Variants in DCHS2 observed in about 807,000 individuals in gnomAD.
The protein encoded by DCHS2 is protocadherin-23.
In DCHS2, 142 loss-of-function variants were observed where a neutral mutation model predicts 182.4. The ratio of observed to expected loss-of-function variants is 0.78; its 90% CI spans 0.68 to 0.89. The LOEUF (loss-of-function observed/expected upper bound fraction) is 0.89. DCHS2 is among the 40% of genes least tolerant of loss of function. The probability of loss-of-function intolerance (pLI) is 0.00; values close to 1 mark genes in which losing one functional copy is unlikely to be tolerated. For synonymous variants in DCHS2, 1,740 were observed against 1,663.3 expected (o/e 1.05, Z -1.12); for missense variants, 4,319 against 4,198.6 (o/e 1.03, Z -0.79).
chr4:154,249,999 CTAAAA>C (rs746338725), intron 16 of DCHS2, among the ~76,000 whole-genome samples: 5 of 151,822 alleles, frequency 3.3e-5, no homozygotes, highest in African/African-American at 1.2e-4. Flanking sequence ...TCTCCTGTAA[CTAAAA>C]TAAAATTTGA....
intron 1 of DCHS2, among the ~76,000 whole-genome samples, chr4:154,463,313 A>T (rs1735095393): frequency 6.6e-6 from 1 of 152,018 alleles, no homozygotes; most frequent in African/African-American, 2.4e-5. Context: ...CTTCTTTAAA[A>T]AATTATATAG....
rs547714792 is a variant in DCHS2, at chr4:154,454,246, C to T, written c.2052+35058G>A. ...ATCAGAGAAATAAGACAACAATCTG[C>T]CTATTCTTTTGTTTTGAGATGGTGT... On this transcript the variant is annotated intron_variant, in intron 1 of 19. Coordinates refer to ENST00000357232, the MANE Select transcript of DCHS2 (RefSeq NM_001358235.2). 2.0e-5 allele frequency among the ~76,000 whole-genome samples: 3 copies of T among 152,062 alleles called. No homozygotes were observed. The East Asian group carries it at 5.8e-4, about 30-fold the overall frequency.
Position 154,489,958 on chromosome 4 carries a change from G to A in DCHS2, c.1398C>T (p.Ser466=). The A allele has an allele frequency of 6.5e-7, 1 of 1,544,520 alleles. No individual in the cohort carries two copies. ...CTCCGCCTTCCAAGGACAGAGAGAT[G>A]CTCCCGTCTCCAAGACCCACACCAA... ...GELGVGLGDG[S]ISLSLEGGEG... The change falls in exon 1 of 20, where the codon AGC becomes AGT. Residue 466 remains serine, a synonymous_variant. Coordinates refer to ENST00000357232, the MANE Select transcript of DCHS2 (RefSeq NM_001358235.2).
intron 1 of DCHS2, among the ~76,000 whole-genome samples, chr4:154,420,254 T>C (rs62331915): frequency 0.43 from 57,064 of 132,468 alleles, 12,703 homozygotes; most frequent in Middle Eastern, 0.63. Context: ...GACAGATAGA[T>C]AGATAGATAG....
intron 3 of DCHS2, among the ~76,000 whole-genome samples, chr4:154,344,161 CAAT>C (rs1375066611): frequency 6.6e-6 from 1 of 151,946 alleles, no homozygotes; most frequent in African/African-American, 2.4e-5. Flanking sequence ...CAAACAATTA[CAAT>C]AATAATATCA....
chr4:154,478,687 C>G (rs1430884140), intron 1 of DCHS2, among the ~76,000 whole-genome samples: 1 of 152,152 alleles, frequency 6.6e-6, no homozygotes, highest in Admixed American at 6.5e-5. Context: ...TGTACATAAA[C>G]TATGCCCAAA....
At chr4:154,361,468 AC>A (rs1228996171) in intron 3 of DCHS2, among the ~76,000 whole-genome samples, 2 of 152,188 alleles carry the variant, frequency 1.3e-5, no homozygotes, top group Non-Finnish European at 2.9e-5. Context: ...CATATAATTC[AC>A]AAAATGGGAT....
At chr4:154,331,403 C>T (rs1309255495) in intron 5 of DCHS2, among the ~76,000 whole-genome samples, 3 of 152,086 alleles carry the variant, frequency 2.0e-5, no homozygotes, top group East Asian at 1.9e-4. Flanking sequence ...AATAGAAGAC[C>T]TTGAAAACTA....
chr4:154,489,400 G>A lies in DCHS2; in HGVS notation c.1956C>T (p.Thr652=). ...PLSATCLVSI[T]VDDVNDNEPI... ...GCTCATTGTCATTCACATCATCTAC[G>A]GTGATGCTCACCAGGCAGGTGGCAG... The change falls in exon 1 of 20, where the codon ACC becomes ACT. Residue 652 remains threonine, a synonymous_variant. Coordinates refer to ENST00000357232, the MANE Select transcript of DCHS2 (RefSeq NM_001358235.2). 2 of 1,551,726 alleles carry A rather than the reference G, an allele frequency of 1.3e-6. No individual in the cohort carries two copies. Among genetic ancestry groups the A allele is most frequent in the South Asian group, 2.4e-5 (2 of 84,050 alleles).
At chr4:154,355,325 G>C (rs778202714) in intron 3 of DCHS2, among the ~76,000 whole-genome samples, 2 of 44,254 alleles carry the variant, frequency 4.5e-5, no homozygotes, top group African/African-American at 1.5e-4. Context: ...ATGCTAAGAG[G>C]CACTCCCATC....
At chr4:154,433,395 C>CTTT (rs61553613) in intron 1 of DCHS2, among the ~76,000 whole-genome samples, 4 of 103,876 alleles carry the variant, frequency 3.9e-5, no homozygotes, top group Non-Finnish European at 5.6e-5. Context: ...TTTTTTTTTC[C>CTTT]TTTTTTTTTT....
chr4:154,420,538 G>A (rs1733069967), intron 1 of DCHS2, among the ~76,000 whole-genome samples: 1 of 152,174 alleles, frequency 6.6e-6, no homozygotes, highest in African/African-American at 2.4e-5. Context: ...ACTAGTACAA[G>A]TCCCAGAGTC....
chr4:154,333,650 C>T (rs1313273163), intron 4 of DCHS2, 156 bp from the exon 5 acceptor site: 2 of 748,408 alleles, frequency 2.7e-6, no homozygotes, highest in East Asian at 2.7e-5. Context: ...ATTCTGACAC[C>T]GTATTTTATT....
intron 13 of DCHS2, among the ~76,000 whole-genome samples, chr4:154,271,841 G>T (rs561384294): frequency 2.0e-5 from 3 of 152,158 alleles, no homozygotes; most frequent in African/African-American, 7.2e-5. Flanking sequence ...TATACACTGT[G>T]TAATCAGTAT....
At position 154,489,984 on chromosome 4, in the gene DCHS2, G is replaced by T. The variant is rs1256495563; in HGVS notation, c.1372C>A (p.Leu458Ile). ...WEKEDEATGE[L>I]GVGLGDGSIS... ...CTCCCGTCTCCAAGACCCACACCAA[G>T]CTCCCCTGTGGCCTCATCTTCCTTC... The change falls in exon 1 of 20, where the codon CTT becomes ATT. Residue 458 changes from leucine to isoleucine, a missense_variant. Transcript: ENST00000357232. 3 of 1,549,422 alleles carry T rather than the reference G, an allele frequency of 1.9e-6. No individual in the cohort carries two copies. The highest frequency in any genetic ancestry group is 2.0e-5 in the Admixed American group (1 of 50,888).
chr4:154,278,335 A>T (rs148032033), intron 13 of DCHS2, among the ~76,000 whole-genome samples: 2 of 152,198 alleles, frequency 1.3e-5, no homozygotes, highest in East Asian at 1.9e-4. Flanking sequence ...ACAATAAAAT[A>T]ATGAAGAAAA....
intron 8 of DCHS2, 47 bp downstream of exon 8, chr4:154,322,284 A>G (rs751494519): frequency 3.1e-6 from 5 of 1,609,072 alleles, no homozygotes; most frequent in Non-Finnish European, 3.4e-6. Flanking sequence ...ATGAAAGTCA[A>G]ATGAAATCTT....
At position 154,329,532 on chromosome 4, in the gene DCHS2, T is replaced by C. The variant is rs368286821; in HGVS notation, c.3909A>G (p.Leu1303=). The C allele has an allele frequency of 3.1e-6, 5 of 1,613,242 alleles. No individual in the cohort carries two copies. In the African/African-American group the frequency reaches 4.0e-5, roughly 13 times the overall value. ...FFPQCLPGKE[L]HVKVLEGQPV... is the part of the protein sequence containing the mutation. ...AGGTTTCTTCACAAACCTTCACGTG[T>C]AACTCCTTTCCAGGGAGACACTGGG... Residue 1303 remains leucine (L), a synonymous_variant, in exon 6 of 20, where the codon TTA becomes TTG. Transcript: ENST00000357232.
chr4:154,407,172 C>T (rs116312895), intron 1 of DCHS2, among the ~76,000 whole-genome samples: 2,601 of 152,278 alleles, frequency 0.017, 88 homozygotes, highest in African/African-American at 0.06. Context: ...ACTCAGGCAT[C>T]TTTCGCTTGG....
Sources: gnomAD v4.1 joint callset for allele counts (sites outside exome capture counted in the v4.1 genomes callset) on GRCh38, gnomAD v4.1.1 for gene constraint, MANE v1.5 for transcripts, NCBI Gene and HGNC (gene_info 2026-07-23, HGNC 2026-07-21) for gene names.